Variants in VDAC1 observed in about 807,000 individuals in gnomAD.
The protein encoded by VDAC1 is voltage dependent anion channel 1, also known as non-selective voltage-gated ion channel VDAC1.
Under a neutral mutation model 34.7 loss-of-function variants are expected in VDAC1, and 10 were observed. The observed-to-expected ratio is 0.29, with a 90% CI of 0.18 to 0.49. The LOEUF (loss-of-function observed/expected upper bound fraction) is 0.49, where lower values mean the gene tolerates loss of function less well. VDAC1 is among the 20% of genes least tolerant of loss of function. The pLI is 0.99. For synonymous variants in VDAC1, 130 were observed against 136.0 expected (o/e 0.96, Z 0.30); for missense variants, 230 against 347.9 (o/e 0.66, Z 2.69).
the VDAC1 span, among the ~76,000 whole-genome samples, chr5:134,039,642 T>C: frequency 6.6e-6 from 1 of 152,078 alleles, no homozygotes; most frequent in East Asian, 1.9e-4. Flanking sequence ...GTGCGTAATT[T>C]TAAAGCTCCC....
At chr5:134,055,586 A>ATTTTTTTTTTTTTTTTTTT in the VDAC1 span, among the ~76,000 whole-genome samples, 1 of 60,080 alleles carries the variant, frequency 1.7e-5, no homozygotes, top group East Asian at 8.1e-4. Context: ...CGCCCCGCTA[A>ATTTTTTTTTTTTTTTTTTT]TGTTTTTTTT....
chr5:134,073,901 G>A, the VDAC1 span, among the ~76,000 whole-genome samples: 1 of 152,264 alleles, frequency 6.6e-6, no homozygotes, highest in East Asian at 1.9e-4. Flanking sequence ...ACTGGAAGAA[G>A]ACACATCCAA....
In VDAC1 at chr5:133,977,275, G is replaced by A. The variant is rs452715; in HGVS notation, c.552-1254C>T. ...AATCCACAATTCATCTCGTCCACCT[G>A]TGCATACTCCTCACCCATGCTGCAA... On this transcript the variant is annotated intron_variant, in intron 6 of 8. Coordinates refer to ENST00000265333, the MANE Select transcript of VDAC1 (RefSeq NM_003374.3). 5.3e-5 allele frequency among the ~76,000 whole-genome samples: 8 copies of A among 152,272 alleles called. No individual in the cohort carries two copies. In the East Asian group the frequency reaches 1.3e-3, roughly 26 times the overall value.
the VDAC1 span, among the ~76,000 whole-genome samples, chr5:134,055,720 G>A: frequency 2.1e-5 from 3 of 141,094 alleles, no homozygotes; most frequent in East Asian, 2.3e-4. Flanking sequence ...GAGCCACCGC[G>A]CCCGGCTGCT....
chr5:133,973,100 C>T (rs74988879), intron 8 of VDAC1, among the ~76,000 whole-genome samples: 4,062 of 152,268 alleles, frequency 0.027, 100 homozygotes, highest in South Asian at 0.084. Flanking sequence ...CTTCTGGAAC[C>T]CCACTTTCCT....
the VDAC1 span, among the ~76,000 whole-genome samples, chr5:134,108,487 C>T: frequency 6.6e-6 from 1 of 152,154 alleles, no homozygotes. Context: ...CCCTGCCCAC[C>T]ACATCCCGTT....
At chr5:134,001,482 C>T (rs546457488) in intron 1 of VDAC1, among the ~76,000 whole-genome samples, 4 of 152,092 alleles carry the variant, frequency 2.6e-5, no homozygotes, top group African/African-American at 7.2e-5. Flanking sequence ...TTTAGGAGGC[C>T]GAGGCGGGTG....
At chr5:134,050,348 A>G in the VDAC1 span, among the ~76,000 whole-genome samples, 2,309 of 152,302 alleles carry the variant, frequency 0.015, 38 homozygotes, top group Non-Finnish European at 0.023. Context: ...TACAGAAGTT[A>G]ATAATTCTAT....
the VDAC1 span, among the ~76,000 whole-genome samples, chr5:134,079,980 C>T: frequency 4.3e-4 from 66 of 152,352 alleles, no homozygotes; most frequent in East Asian, 5.4e-3. Flanking sequence ...GCCCCAAAGG[C>T]GGCCTGCGGT....
the VDAC1 span, among the ~76,000 whole-genome samples, chr5:134,079,483 G>A: frequency 4.6e-5 from 7 of 152,296 alleles, no homozygotes; most frequent in East Asian, 1.2e-3. Flanking sequence ...TCTCCACTCG[G>A]GGTGGAGAAT....
At chr5:134,043,893 G>T in the VDAC1 span, among the ~76,000 whole-genome samples, 1 of 152,024 alleles carries the variant, frequency 6.6e-6, no homozygotes, top group Non-Finnish European at 1.5e-5. Context: ...TAGTTCTTTG[G>T]TGATAAATGG....
the VDAC1 span, among the ~76,000 whole-genome samples, chr5:134,114,157 C>A: frequency 3.3e-5 from 5 of 152,158 alleles, no homozygotes; most frequent in Non-Finnish European, 5.9e-5. Context: ...TGCAGGCGGC[C>A]TAGAAGGAAG....
the VDAC1 span, among the ~76,000 whole-genome samples, chr5:134,063,995 A>AT: frequency 0.015 from 1,272 of 86,508 alleles, 40 homozygotes; most frequent in African/African-American, 0.051. Context: ...ACCTGTACTA[A>AT]TTTTTTTTTT....
the VDAC1 span, among the ~76,000 whole-genome samples, chr5:134,017,995 A>T: frequency 6.6e-6 from 1 of 152,266 alleles, no homozygotes. Context: ...AGATGGGCTT[A>T]TCACCCCTCT....
At chr5:134,068,225 C>T in the VDAC1 span, among the ~76,000 whole-genome samples, 1 of 152,084 alleles carries the variant, frequency 6.6e-6, no homozygotes, top group Non-Finnish European at 1.5e-5. Flanking sequence ...TTTAAACCCT[C>T]CCAATTAGTT....
At chr5:133,999,611 G>A (rs368852862) in intron 1 of VDAC1, among the ~76,000 whole-genome samples, 9 of 152,108 alleles carry the variant, frequency 5.9e-5, no homozygotes, top group South Asian at 2.1e-4. Context: ...CTCCCTCCCT[G>A]CTAGGCTTCA....
the VDAC1 span, among the ~76,000 whole-genome samples, chr5:134,021,371 T>C: frequency 6.7e-6 from 1 of 149,440 alleles, no homozygotes; most frequent in African/African-American, 2.5e-5. Flanking sequence ...TGGTGTGTGA[T>C]GTTCCCCACT....
At chr5:134,090,173 T>C in the VDAC1 span, among the ~76,000 whole-genome samples, 1 of 152,158 alleles carries the variant, frequency 6.6e-6, no homozygotes, top group South Asian at 2.1e-4. Flanking sequence ...CCATGCTGCC[T>C]GAATGTCCTC....
upstream of VDAC1, among the ~76,000 whole-genome samples, chr5:134,006,458 C>T (rs917687783): frequency 1.3e-5 from 2 of 152,164 alleles, no homozygotes; most frequent in Non-Finnish European, 2.9e-5. Flanking sequence ...AAGAACCAAT[C>T]TGGGCCGGGT....
Sources: allele counts gnomAD v4.1 joint callset (sites outside exome capture counted in the v4.1 genomes callset), GRCh38; gene constraint gnomAD v4.1.1; transcripts MANE v1.5; gene names NCBI Gene and HGNC (gene_info 2026-07-23, HGNC 2026-07-21).